The following SLC12A6 variants were observed in gnomAD, a reference collection of about 807,000 sequenced individuals.
SLC12A6 encodes the protein solute carrier family 12 member 6.
In SLC12A6, 66 loss-of-function variants were observed where a neutral mutation model predicts 135.3. The observed-to-expected ratio is 0.49, with a 90% CI of 0.40 to 0.60. The LOEUF (loss-of-function observed/expected upper bound fraction) is 0.60, where lower values mean the gene tolerates loss of function less well. Ranked by LOEUF, SLC12A6 falls within the 20% of genes least tolerant of loss-of-function variation. The probability of loss-of-function intolerance (pLI) is 0.00; values close to 1 mark genes in which losing one functional copy is unlikely to be tolerated. For missense variants in SLC12A6, 1,058 were observed against 1,452.3 expected, an observed-to-expected ratio of 0.73 and a Z score of 4.41; for synonymous variants, 513 against 508.8, an observed-to-expected ratio of 1.01 and a Z score of -0.11.
intron 13 of SLC12A6, among the ~76,000 whole-genome samples, chr15:34,248,568 C>CCA (rs34055235): frequency 0.1 from 14,993 of 149,392 alleles, 848 homozygotes; most frequent in East Asian, 0.29. Context: ...ACACCCCCAC[C>CCA]CACACACACA....
At position 34,231,647 on chromosome 15, in the gene SLC12A6, T is replaced by G. The variant is rs1469441638; in HGVS notation, c.*2234A>C. The G allele has an allele frequency of 6.7e-6, 1 of 150,308 alleles. No individual in the cohort carries two copies. Among genetic ancestry groups the G allele is most frequent in the African/African-American group, 2.4e-5 (1 of 40,852 alleles). The allele number at this position is 150,308 out of a possible 1,614,324, so 9.3% of individuals were successfully genotyped here. A position where few individuals can be genotyped will look rare whatever the true frequency, so the allele number is the denominator to read the frequency against. On this transcript the variant is annotated 3_prime_UTR_variant, in exon 26 of 26. Transcript: ENST00000354181. ...CTCTGTCGCCCAGGCTGGAGTGCAG[T>G]GGTGCAATCTCGGTTCACTGCAAGT...
Position 34,249,557 on chromosome 15 carries a change from A to T in SLC12A6, c.1649+741T>A, listed in dbSNP as rs550385999. On this transcript the variant is annotated intron_variant, in intron 13 of 25. Transcript: ENST00000354181. The stretch of plus-strand genomic sequence containing the variant: ...ACTGTAGTCTGGGCAACAGAGCAAG[A>T]CCTTGTCTCTAAATAAATAAGTAGA... Among the ~76,000 whole-genome samples, 353 of 152,314 alleles carry T rather than the reference A, an allele frequency of 2.3e-3. 2 individuals are homozygous for T. The highest frequency in any genetic ancestry group is 8.3e-3 in the African/African-American group (346 of 41,554).
At chr15:34,266,302 T>A (rs78118002) in intron 3 of SLC12A6, among the ~76,000 whole-genome samples, 4,158 of 152,236 alleles carry the variant, frequency 0.027, 191 homozygotes, top group African/African-American at 0.095. Context: ...GATAAATTTA[T>A]GAGAAACATT....
At chr15:34,250,432 T>A (rs1433876858) in intron 12 of SLC12A6, 77 bp from the exon 13 acceptor site, 16 of 975,508 alleles carry the variant, frequency 1.6e-5, no homozygotes, top group Non-Finnish European at 2.7e-5. Flanking sequence ...GTAGACACTT[T>A]CTTCTGTCAG....
intron 6 of SLC12A6, among the ~76,000 whole-genome samples, chr15:34,256,601 A>G (rs927073297): frequency 1.3e-5 from 2 of 152,266 alleles, no homozygotes; most frequent in South Asian, 2.1e-4. Flanking sequence ...AACTAGAGAA[A>G]TAACTCAGAA....
chr15:34,326,373 T>C (rs1240852741), intron 2 of SLC12A6, among the ~76,000 whole-genome samples: 1 of 152,152 alleles, frequency 6.6e-6, no homozygotes, highest in African/African-American at 2.4e-5. Context: ...ACAAAAAAAG[T>C]GTATAGAAAA....
chr15:34,334,644 G>C (rs1333528607), intron 2 of SLC12A6, among the ~76,000 whole-genome samples: 2 of 152,118 alleles, frequency 1.3e-5, no homozygotes, highest in Non-Finnish European at 1.5e-5. Flanking sequence ...CTCTCTAATG[G>C]CCAGACTATT....
rs347867 is a variant in SLC12A6 at position 34,318,763 on chromosome 15, G to A, written c.271+17647C>T. 3.3e-5 allele frequency: 52 copies of A among 1,594,538 alleles called. No individual in the cohort carries two copies. In the Admixed American group the frequency reaches 7.2e-4, roughly 22 times the overall value. On this transcript the variant is annotated intron_variant, in intron 2 of 25. Coordinates refer to ENST00000354181, the MANE Select transcript of SLC12A6 (RefSeq NM_001365088.1). ...CCCTGCCTACCTCTTCCTTGCTGTC[G>A]TTTCAGACTGTGATCCCTGCCTACA... is the stretch of plus-strand genomic sequence containing the variant.
intron 24 of SLC12A6, among the ~76,000 whole-genome samples, chr15:34,235,619 G>A (rs918161479): frequency 1.3e-5 from 2 of 151,670 alleles, no homozygotes; most frequent in African/African-American, 2.4e-5. Flanking sequence ...TGTATTTTTA[G>A]TAAAAACAGG....
chr15:34,240,464 A>C (rs1197492395), intron 19 of SLC12A6, among the ~76,000 whole-genome samples, 197 bp downstream of exon 19: 1 of 152,210 alleles, frequency 6.6e-6, no homozygotes, highest in East Asian at 1.9e-4. Context: ...GTAATGCTTT[A>C]AACAGGAAGA....
At chr15:34,320,270 T>C (rs1888974134) in intron 2 of SLC12A6, among the ~76,000 whole-genome samples, 1 of 152,142 alleles carries the variant, frequency 6.6e-6, no homozygotes, top group African/African-American at 2.4e-5. Flanking sequence ...CATGAGTATA[T>C]GAAGAAAATG....
intron 8 of SLC12A6, 31 bp downstream of exon 8, chr15:34,255,231 T>C (rs1227076280): frequency 4.0e-6 from 6 of 1,499,984 alleles, no homozygotes; most frequent in East Asian, 2.3e-5. Context: ...ATTTCTTCTA[T>C]ATTATAGACC....
chr15:34,235,964 G>C (rs545980432), intron 24 of SLC12A6, 51 bp downstream of exon 24: 4 of 1,378,724 alleles, frequency 2.9e-6, no homozygotes, highest in Non-Finnish European at 4.1e-6. Context: ...AGTCACATTT[G>C]TGCCACTGAT....
At chr15:34,251,368 A>G (rs886517556) in intron 10 of SLC12A6, among the ~76,000 whole-genome samples, 2 of 151,914 alleles carry the variant, frequency 1.3e-5, no homozygotes, top group Admixed American at 1.3e-4. Flanking sequence ...CTGCCTCAGC[A>G]TCCTGAGTAG....
intron 2 of SLC12A6, among the ~76,000 whole-genome samples, chr15:34,279,292 C>A (rs1346948407): frequency 6.6e-6 from 1 of 151,342 alleles, no homozygotes; most frequent in Non-Finnish European, 1.5e-5. Flanking sequence ...CCAGCCTGGG[C>A]GACAGAGCAA....
At chr15:34,301,059 C>T (rs1325808545) in intron 2 of SLC12A6, among the ~76,000 whole-genome samples, 1 of 152,042 alleles carries the variant, frequency 6.6e-6, no homozygotes, top group African/African-American at 2.4e-5. Context: ...ACCTCCGCCT[C>T]CCAGGTTCAA....
chr15:34,256,508 G>A (rs954531797), intron 6 of SLC12A6, among the ~76,000 whole-genome samples: 2 of 152,166 alleles, frequency 1.3e-5, no homozygotes, highest in African/African-American at 4.8e-5. Flanking sequence ...ACATCAGTAG[G>A]TCAGGTGCTA....
intron 2 of SLC12A6, among the ~76,000 whole-genome samples, chr15:34,290,288 T>C (rs1464270476): frequency 6.6e-6 from 1 of 152,212 alleles, no homozygotes; most frequent in African/African-American, 2.4e-5. Flanking sequence ...TTGCGTGGTT[T>C]TGAGTGAGTT....
At chr15:34,257,542 C>T (rs1019766712) in intron 6 of SLC12A6, 100 bp downstream of exon 6, 4 of 889,318 alleles carry the variant, frequency 4.5e-6, no homozygotes, top group Non-Finnish European at 7.6e-6. Context: ...ATGAGTCCTT[C>T]CCTAAGTATT....
Sources: allele counts gnomAD v4.1 joint callset (sites outside exome capture counted in the v4.1 genomes callset), GRCh38; gene constraint gnomAD v4.1.1; transcripts MANE v1.5; gene names NCBI Gene and HGNC (gene_info 2026-07-23, HGNC 2026-07-21).